Variants in SATL1 observed in about 807,000 individuals in gnomAD.
SATL1 encodes spermidine/spermine N1-acetyl transferase like 1.
Under a neutral mutation model 51.8 loss-of-function variants are expected in SATL1, and 47 were observed. The ratio of observed to expected loss-of-function variants is 0.91; its 90% CI spans 0.72 to 1.16. The LOEUF is 1.16. Ranked by LOEUF, SATL1 falls within the 50% of genes most tolerant of loss-of-function variation. SATL1 has a pLI of 0.00. For missense variants in SATL1, 520 were observed against 526.4 expected (o/e 0.99, Z 0.12); for synonymous variants, 176 against 182.4 (o/e 0.97, Z 0.28).
intron 2 of SATL1, among the ~76,000 whole-genome samples, chrX:85,193,476 C>T (rs1235308042): frequency 8.9e-6 from 1 of 111,764 alleles, no homozygotes; most frequent in African/African-American, 3.3e-5. Context: ...ATTCATGTTT[C>T]AACATATCTA....
chrX:85,180,676 G>A (rs1290606957), intron 2 of SATL1, among the ~76,000 whole-genome samples: 1 of 110,797 alleles, frequency 9.0e-6, no homozygotes, highest in Non-Finnish European at 1.9e-5. Flanking sequence ...TTTGATTCCT[G>A]TTACAAATTG....
chrX:85,193,624 T>C (rs778631116), intron 2 of SATL1, among the ~76,000 whole-genome samples: 2 of 111,869 alleles, frequency 1.8e-5, no homozygotes, highest in Non-Finnish European at 3.8e-5. Flanking sequence ...ACTCAGGTAC[T>C]AAGCCCAGCA....
intron 2 of SATL1, among the ~76,000 whole-genome samples, chrX:85,196,817 T>C (rs1927572860): frequency 8.9e-6 from 1 of 111,780 alleles, no homozygotes; most frequent in Non-Finnish European, 1.9e-5. Flanking sequence ...ACTGGACATC[T>C]ACTTCACACA....
At chrX:85,234,214 C>T (rs1928438402) in intron 1 of SATL1, among the ~76,000 whole-genome samples, 1 of 111,104 alleles carries the variant, frequency 9.0e-6, no homozygotes, top group South Asian at 3.8e-4. Context: ...ATACTTTGAA[C>T]ATGAAAGAAA....
In SATL1 at chrX:85,107,666, C is replaced by T. The variant is rs1255047520; in HGVS notation, c.1303G>A (p.Gly435Ser). Residue 435 changes from glycine to serine, a missense_variant, in exon 3 of 8, where the codon GGC (glycine) becomes AGC (serine). By Grantham distance (56) the Gly-to-Ser change is moderately conservative (BLOSUM62 0). Around this residue, in one of 3 missense-constraint regions of SATL1, gnomAD observed 488 missense variants for 474.3 expected, o/e 1.03. Transcript: ENST00000644105. Reference protein sequence around the residue: ...VPRQPNKSPPGMWQRGMWQPG... With the variant: ...VPRQPNKSPPSMWQRGMWQPG... Reference sequence around the variant, plus strand: ...TGCCACATGCCTCGTTGCCACATGCCTGGTGGACTCTTGTTTGGTTGCCTC... The same window carrying T: ...TGCCACATGCCTCGTTGCCACATGCTTGGTGGACTCTTGTTTGGTTGCCTC... 3 of 1,210,879 alleles carry T rather than the reference C, an allele frequency of 2.5e-6. No individual in the cohort carries two copies. The highest frequency in any genetic ancestry group is 3.4e-6 in the Non-Finnish European group (3 of 895,480).
intron 2 of SATL1, 25 bp from the exon 3 acceptor site, chrX:85,109,305 G>A: frequency 3.4e-6 from 1 of 296,651 alleles, no homozygotes; most frequent in Non-Finnish European, 5.9e-6. Flanking sequence ...GAAGTAAAGG[G>A]AAGACGAAAA....
intron 2 of SATL1, among the ~76,000 whole-genome samples, chrX:85,178,097 T>A (rs1403442696): frequency 9.0e-6 from 1 of 110,926 alleles, no homozygotes; most frequent in African/African-American, 3.3e-5. Context: ...TCAAAGGAGG[T>A]TTTTTGGCCA....
At chrX:85,116,484 T>C (rs1049021505) in intron 2 of SATL1, among the ~76,000 whole-genome samples, 45 of 111,662 alleles carry the variant, frequency 4.0e-4, no homozygotes, top group African/African-American at 1.4e-3. Flanking sequence ...GCAGTGGCCT[T>C]TTAGCACTCG....
At position 85,129,857 on chromosome X, in the gene SATL1, G is replaced by GT. The variant is rs773947471; in HGVS notation, c.-312-20578_-312-20577insA. Reference sequence around the variant, plus strand: ...GTTTATTGAGAGTTTTTAGCATGAAGGTCTGTTGAATTTTGTCAAAGGCCT... The same window carrying GT: ...GTTTATTGAGAGTTTTTAGCATGAAGTGTCTGTTGAATTTTGTCAAAGGCCT... On this transcript the variant is annotated intron_variant, in intron 2 of 7. Coordinates refer to ENST00000644105, the MANE Select transcript of SATL1 (RefSeq NM_001367857.2). Among the ~76,000 whole-genome samples, 142 of 111,383 alleles carry GT rather than the reference G, an allele frequency of 1.3e-3. 3 individuals are homozygous for GT. The highest frequency in any genetic ancestry group is 4.0e-4 in the Non-Finnish European group (21 of 53,082).
chrX:85,196,735 A>G (rs1335226793), intron 2 of SATL1, among the ~76,000 whole-genome samples: 1 of 111,736 alleles, frequency 8.9e-6, no homozygotes, highest in African/African-American at 3.2e-5. Context: ...AATAAAATCC[A>G]ATGGGAACAA....
chrX:85,211,261 T>C (rs1394158411), intron 2 of SATL1: 2 of 111,826 alleles, frequency 1.8e-5, no homozygotes, highest in East Asian at 2.8e-4. Flanking sequence ...ATATTGTATA[T>C]GTACATACTC....
At chrX:85,199,004 A>C (rs1036277182) in intron 2 of SATL1, among the ~76,000 whole-genome samples, 3 of 109,417 alleles carry the variant, frequency 2.7e-5, no homozygotes, top group African/African-American at 1.0e-4. Flanking sequence ...TGCCCAGCTA[A>C]TTTTTTTGTA....
chrX:85,201,542 G>T (rs1927687625), intron 2 of SATL1, among the ~76,000 whole-genome samples: 1 of 111,080 alleles, frequency 9.0e-6, no homozygotes, highest in Non-Finnish European at 1.9e-5. Flanking sequence ...GGAGTTTGTT[G>T]TACATATTAT....
chrX:85,208,699 C>T (rs1927842702), intron 2 of SATL1: 1 of 112,291 alleles, frequency 8.9e-6, no homozygotes, highest in Non-Finnish European at 1.9e-5. Context: ...TAGATGTCTT[C>T]TTTTGAGAAG....
chrX:85,220,134 G>A (rs779106190), intron 2 of SATL1, among the ~76,000 whole-genome samples: 30 of 110,529 alleles, frequency 2.7e-4, no homozygotes, highest in African/African-American at 9.2e-4. Context: ...ATCAAACTCA[G>A]TGCTGTCCTG....
At chrX:85,173,147 G>C (rs12558098) in intron 2 of SATL1, among the ~76,000 whole-genome samples, 26,226 of 110,257 alleles carry the variant, frequency 0.24, 3,274 homozygotes, top group African/African-American at 0.48. Context: ...TTCATGTTTT[G>C]CAAGTCTTTG....
At chrX:85,149,839 C>T (rs1484841550) in intron 2 of SATL1, among the ~76,000 whole-genome samples, 3 of 111,354 alleles carry the variant, frequency 2.7e-5, no homozygotes, top group Non-Finnish European at 5.7e-5. Flanking sequence ...ATTTATAGCA[C>T]TAAATGCCCA....
chrX:85,126,412 T>C (rs770461968), intron 2 of SATL1, among the ~76,000 whole-genome samples: 18 of 111,369 alleles, frequency 1.6e-4, no homozygotes, highest in Non-Finnish European at 2.8e-4. Flanking sequence ...AATAATCCTA[T>C]AATATTGGTG....
chrX:85,191,659 T>C (rs757000280), intron 2 of SATL1, among the ~76,000 whole-genome samples: 14 of 112,002 alleles, frequency 1.2e-4, no homozygotes, highest in Non-Finnish European at 2.6e-4. Flanking sequence ...TACAGTAAAC[T>C]AAGCTAGAGA....
Sources: gnomAD v4.1 joint callset for allele counts (sites outside exome capture counted in the v4.1 genomes callset) on GRCh38, gnomAD v4.1.1 for gene constraint, gnomAD v4.1.1 regional missense constraint, MANE v1.5 for transcripts, NCBI Gene and HGNC (gene_info 2026-07-23, HGNC 2026-07-21) for gene names.